The following KLHL20 variants were observed in gnomAD, a reference collection of about 807,000 sequenced individuals.
KLHL20 encodes kelch-like protein 20.
In KLHL20, 29 loss-of-function variants were observed where a neutral mutation model predicts 69.5. The ratio of observed to expected loss-of-function variants is 0.42; its 90% CI spans 0.31 to 0.57. KLHL20 has a LOEUF of 0.57. Ranked by LOEUF, KLHL20 falls within the 20% of genes least tolerant of loss-of-function variation. KLHL20 has a pLI of 0.18. For missense variants in KLHL20, 419 were observed against 776.0 expected, an observed-to-expected ratio of 0.54 and a Z score of 5.47; for synonymous variants, 253 against 265.2, an observed-to-expected ratio of 0.95 and a Z score of 0.45.
At chr1:173,780,378 T>C (rs1648784413) in intron 10 of KLHL20, among the ~76,000 whole-genome samples, 1 of 152,214 alleles carries the variant, frequency 6.6e-6, no homozygotes, top group Admixed American at 6.5e-5. Context: ...ATGCGCTTAC[T>C]GCTTTGGGGA....
intron 3 of KLHL20, among the ~76,000 whole-genome samples, chr1:173,737,139 T>A (rs1672573470): frequency 6.6e-6 from 1 of 152,248 alleles, no homozygotes; most frequent in African/African-American, 2.4e-5. Context: ...TGTGGTTGGA[T>A]CTGTAGTTTG....
chr1:173,722,533 G>A (rs533789814), intron 2 of KLHL20, among the ~76,000 whole-genome samples: 15 of 152,052 alleles, frequency 9.9e-5, no homozygotes, highest in East Asian at 3.9e-4. Flanking sequence ...TGAGAGGATC[G>A]CTTCAACCAG....
intron 7 of KLHL20, among the ~76,000 whole-genome samples, chr1:173,762,387 C>T (rs184407324): frequency 6.6e-6 from 1 of 152,126 alleles, no homozygotes; most frequent in South Asian, 2.1e-4. Context: ...TTCTGTGAAG[C>T]CAGCATCACC....
chr1:173,758,053 G>A (rs532879355), intron 7 of KLHL20, among the ~76,000 whole-genome samples: 4 of 152,054 alleles, frequency 2.6e-5, no homozygotes, highest in African/African-American at 9.6e-5. Flanking sequence ...AAAAGCAGAG[G>A]GATCAGTCCC....
In KLHL20 at chr1:173,785,173, G is replaced by A; in HGVS notation, c.1756G>A (p.Gly586Arg). 1.2e-6 allele frequency: 2 copies of A among 1,610,860 alleles called. No individual in the cohort carries two copies. The highest frequency in any genetic ancestry group is 1.7e-6 in the Non-Finnish European group (2 of 1,178,754). ...TTTCTTTCTTTGCAGGTTATATGGC[G>A]GGATGAATTACCGTCGGCTAGGGGG... ...PDANTWRLYG[G>R]MNYRRLGGGV... is the part of the protein sequence containing the mutation. Residue 586 changes from glycine (G) to arginine (R), a missense_variant, in exon 12 of 12, where the codon GGG becomes AGG. Transcript: ENST00000209884.
intron 4 of KLHL20, 123 bp from the exon 5 acceptor site, chr1:173,753,090 T>A: frequency 1.4e-6 from 1 of 722,588 alleles, no homozygotes; most frequent in South Asian, 1.7e-5. Flanking sequence ...GGCACATCAC[T>A]TGAGCCCAGG....
At chr1:173,740,587 G>C (rs919564819) in intron 3 of KLHL20, among the ~76,000 whole-genome samples, 4 of 152,054 alleles carry the variant, frequency 2.6e-5, no homozygotes, top group Admixed American at 2.6e-4. Flanking sequence ...TTGATAGGTT[G>C]TATCACTATT....
chr1:173,723,848 C>T (rs1461395403), intron 2 of KLHL20, among the ~76,000 whole-genome samples: 1 of 152,176 alleles, frequency 6.6e-6, no homozygotes, highest in South Asian at 2.1e-4. Context: ...AGATATTTCA[C>T]TTAAGCTCTG....
intron 2 of KLHL20, among the ~76,000 whole-genome samples, chr1:173,719,505 G>T (rs1242176213): frequency 6.6e-6 from 1 of 151,984 alleles, no homozygotes; most frequent in Non-Finnish European, 1.5e-5. Context: ...CAGCTACAGT[G>T]CCAGTCAGGA....
intron 7 of KLHL20, among the ~76,000 whole-genome samples, chr1:173,765,502 CAA>C (rs533264382): frequency 8.6e-5 from 11 of 127,724 alleles, no homozygotes; most frequent in Admixed American, 8.2e-5. Flanking sequence ...GACTCCGTCT[CAA>C]AAAAAAAAAA....
At chr1:173,738,421 C>T (rs757113321) in intron 3 of KLHL20, among the ~76,000 whole-genome samples, 2 of 152,132 alleles carry the variant, frequency 1.3e-5, no homozygotes, top group Non-Finnish European at 2.9e-5. Flanking sequence ...CCACCTGCCT[C>T]GGTGTCCCAA....
At chr1:173,717,072 T>C (rs1671498748) in intron 2 of KLHL20, among the ~76,000 whole-genome samples, 1 of 152,148 alleles carries the variant, frequency 6.6e-6, no homozygotes, top group Non-Finnish European at 1.5e-5. Flanking sequence ...TTTTACTCTG[T>C]AGTAGGAATA....
Position 173,753,133 on chromosome 1 carries a change from A to C in KLHL20, c.757-80A>C, listed in dbSNP as rs1452462442. On this transcript the variant is annotated intron_variant, in intron 4 of 11. Coordinates refer to ENST00000209884, the MANE Select transcript of KLHL20 (RefSeq NM_014458.4). ...GGCTGCAGTGACCTACGATCATGCC[A>C]CTGTACTCCAGCCTAGGCAACAGAG... is the stretch of plus-strand genomic sequence containing the variant. The C allele has an allele frequency of 3.5e-6, 4 of 1,134,882 alleles. No individual in the cohort carries two copies. The African/African-American group carries it at 6.2e-5, about 17-fold the overall frequency. 70.3% of individuals were successfully genotyped at this position (1,134,882 alleles called of 1,614,324 possible).
At chr1:173,757,664 CAAAA>C (rs906943946) in intron 7 of KLHL20, among the ~76,000 whole-genome samples, 2 of 59,042 alleles carry the variant, frequency 3.4e-5, no homozygotes, top group African/African-American at 6.4e-5. Flanking sequence ...GACTCCTTCT[CAAAA>C]AAAAAAAAAA....
chr1:173,748,082 T>C (rs1673149351), intron 3 of KLHL20, among the ~76,000 whole-genome samples: 1 of 152,030 alleles, frequency 6.6e-6, no homozygotes, highest in South Asian at 2.1e-4. Context: ...AGGCAAATTC[T>C]CTGAAGAAAA....
intron 3 of KLHL20, among the ~76,000 whole-genome samples, chr1:173,737,794 C>G (rs970905844): frequency 6.6e-6 from 1 of 152,080 alleles, no homozygotes; most frequent in East Asian, 1.9e-4. Context: ...TTTATAGATT[C>G]TCTTGGCTGT....
At chr1:173,765,230 A>T (rs1647614641) in intron 7 of KLHL20, among the ~76,000 whole-genome samples, 1 of 152,196 alleles carries the variant, frequency 6.6e-6, no homozygotes, top group Admixed American at 6.5e-5. Context: ...TCGGCCGGAC[A>T]TGGTGGCTCA....
intron 2 of KLHL20, among the ~76,000 whole-genome samples, chr1:173,724,078 T>C (rs946429024): frequency 2.0e-5 from 3 of 152,144 alleles, no homozygotes; most frequent in Non-Finnish European, 2.9e-5. Flanking sequence ...ACCCATGATA[T>C]CACCGCAATC....
At position 173,785,724 on chromosome 1, in the gene KLHL20, A is replaced by G. The variant is rs181622655; in HGVS notation, c.*477A>G. The G allele has an allele frequency of 6.6e-6, 1 of 151,932 alleles. No individual in the cohort carries two copies. The highest frequency in any genetic ancestry group is 6.6e-5 in the Admixed American group (1 of 15,240). The allele number at this position is 151,932 out of a possible 1,614,324, so 9.4% of individuals were successfully genotyped here. On this transcript the variant is annotated 3_prime_UTR_variant, in exon 12 of 12. Transcript: ENST00000209884. The stretch of plus-strand genomic sequence containing the variant: ...TTAGCTACCCATTATTCTCGCACTA[A>G]CCACCAGAAGACTTGAAAATCTTAA...
Sources: allele counts gnomAD v4.1 joint callset (sites outside exome capture counted in the v4.1 genomes callset), GRCh38; gene constraint gnomAD v4.1.1; transcripts MANE v1.5; gene names NCBI Gene and HGNC (gene_info 2026-07-23, HGNC 2026-07-21).